The following GCLC variants were observed in gnomAD, a reference collection of about 807,000 sequenced individuals.
GCLC encodes the protein glutamate-cysteine ligase catalytic subunit.
A neutral mutation model predicts 81.5 loss-of-function variants in GCLC; 30 were observed. The ratio of observed to expected loss-of-function variants is 0.37; its 90% CI spans 0.28 to 0.50. The LOEUF (loss-of-function observed/expected upper bound fraction) is 0.50. GCLC is among the 20% of genes least tolerant of loss of function. The pLI is 0.96. For synonymous variants in GCLC, 262 were observed against 273.3 expected, an observed-to-expected ratio of 0.96 and a Z score of 0.41; for missense variants, 556 against 777.4, an observed-to-expected ratio of 0.72 and a Z score of 3.39.
At chr6:53,505,251 A>G in intron 12 of GCLC, 141 bp downstream of exon 12, 1 of 651,554 alleles carries the variant, frequency 1.5e-6, no homozygotes. Flanking sequence ...AAGAAAATAA[A>G]GAATAGGGCT....
chr6:53,518,111 C>A (rs1393386004), intron 3 of GCLC, among the ~76,000 whole-genome samples: 1 of 152,066 alleles, frequency 6.6e-6, no homozygotes, highest in Non-Finnish European at 1.5e-5. Context: ...TTTCAAGTCC[C>A]AAAATACCTT....
Position 53,506,761 on chromosome 6 carries a change from T to C in GCLC, c.1197+152A>G. The C allele has an allele frequency of 1.5e-6, 1 of 649,170 alleles. No homozygotes were observed. The highest frequency in any genetic ancestry group is 2.8e-6 in the Non-Finnish European group (1 of 358,710). The allele number at this position is 649,170 out of a possible 1,614,324, so 40.2% of individuals were successfully genotyped here. On this transcript the variant is annotated intron_variant, in intron 10 of 15. Coordinates refer to ENST00000650454, the MANE Select transcript of GCLC (RefSeq NM_001498.4). The surrounding 1 kb of genome is among the most constrained non-coding windows in gnomAD (Gnocchi z 4.0). ...CAAGTTCTTTACTGCACTGGGTAAA[T>C]GAAAGTCTTATGAAATTTCTTTTGT... is the stretch of plus-strand genomic sequence containing the variant.
chr6:53,537,745 A>G (rs901017181), intron 1 of GCLC, among the ~76,000 whole-genome samples: 1 of 152,116 alleles, frequency 6.6e-6, no homozygotes, highest in African/African-American at 2.4e-5. Flanking sequence ...CTGTAAAAAA[A>G]AACCAAAAAA....
At chr6:53,507,725 A>T in intron 8 of GCLC, 107 bp from the exon 9 acceptor site, 2 of 492,886 alleles carry the variant, frequency 4.1e-6, no homozygotes, top group South Asian at 7.9e-5. Flanking sequence ...ACAGAAAAAA[A>T]GTTAGTGAGC....
chr6:53,541,301 A>G (rs1763350166), intron 1 of GCLC, among the ~76,000 whole-genome samples: 1 of 152,238 alleles, frequency 6.6e-6, no homozygotes, highest in South Asian at 2.1e-4. Context: ...GAGGTAGAAC[A>G]AGCGCGGGGG....
Position 53,504,185 on chromosome 6 carries a change from A to C in GCLC, c.1395+1207T>G, listed in dbSNP as rs148395245. Among the ~76,000 whole-genome samples the C allele has an allele frequency of 1.1e-4, 17 of 151,544 alleles. No homozygotes were observed. The East Asian group carries it at 3.1e-3, about 28-fold the overall frequency. On this transcript the variant is annotated intron_variant, in intron 12 of 15. Coordinates refer to ENST00000650454, the MANE Select transcript of GCLC (RefSeq NM_001498.4). ...GACCCTGTCTCTAAAAAAGGTTTAAAAGTATTTTTTAAAAAATAGTAATTC... is the reference window on the plus strand; with the variant it reads ...GACCCTGTCTCTAAAAAAGGTTTAACAGTATTTTTTAAAAAATAGTAATTC...
intron 6 of GCLC, chr6:53,513,885 A>AGGT: frequency 3.2e-6 from 1 of 316,808 alleles, no homozygotes; most frequent in Non-Finnish European, 5.9e-6. Context: ...ACGAGATGGC[A>AGGT]GTAAAAACTA....
In GCLC at chr6:53,522,547, GA is replaced by G. The variant is rs745828121; in HGVS notation, c.151-21del. On this transcript the variant is annotated intron_variant, in intron 1 of 15. Transcript: ENST00000650454. ...TTCCACCTATTGAAAATAAAGGTGAGAAAAATTAACATTCTTCCAGACTTGT... is the reference window on the plus strand; with the variant it reads ...TTCCACCTATTGAAAATAAAGGTGAGAAAATTAACATTCTTCCAGACTTGT... 6.9e-7 allele frequency: 1 copy of G among 1,453,728 alleles called. No individual in the cohort carries two copies. Among genetic ancestry groups the G allele is most frequent in the South Asian group, 1.1e-5 (1 of 88,034 alleles). The allele number at this position is 1,453,728 out of a possible 1,614,324, so 90.1% of individuals were successfully genotyped here.
intron 1 of GCLC, among the ~76,000 whole-genome samples, chr6:53,541,489 A>G (rs987221942): frequency 1.4e-4 from 21 of 152,238 alleles, no homozygotes; most frequent in African/African-American, 4.8e-4. Flanking sequence ...ACCCAGAGAC[A>G]TAACTGAAGC....
Position 53,498,981 on chromosome 6 carries a change from G to T in GCLC, c.1703-14C>A, listed in dbSNP as rs1462090104. 3 of 1,575,620 alleles carry T rather than the reference G, an allele frequency of 1.9e-6. No individual in the cohort carries two copies. Among genetic ancestry groups the T allele is most frequent in the Admixed American group, 3.4e-5 (2 of 58,680 alleles). ...TCATTAGTTCTCCTGTGGGCGAGGG[G>T]GGAGCGAAAAAAAAATTAAAACCAC... On this transcript the variant is annotated splice_polypyrimidine_tract_variant and intron_variant, in intron 15 of 15. Transcript: ENST00000650454.
intron 15 of GCLC, 119 bp from the exon 16 acceptor site, chr6:53,499,086 G>GGACA: frequency 1.4e-6 from 1 of 723,640 alleles, no homozygotes; most frequent in South Asian, 1.5e-5. Context: ...TGTCCTTTTA[G>GGACA]TGTAGCTGCA....
chr6:53,500,076 G>C lies in GCLC; in HGVS notation c.1671C>G (p.Asn557Lys), dbSNP rs1325399838. ...VDVDTRCSIL[N>K]YLKLIKKRAS... ...CTCTCTTCTTAATTAGCTTTAGGTA[G>C]TTCAGAATACTACATCTGGTGTCCA... is the stretch of plus-strand genomic sequence containing the variant. Residue 557 changes from asparagine (N) to lysine (K), a missense_variant, in exon 15 of 16, where the codon AAC (asparagine) becomes AAG (lysine). By Grantham distance (94) the Asn-to-Lys change is moderately conservative. This residue lies in a region of GCLC where 313 missense variants were observed against 437.3 expected (regional missense o/e 0.72). Coordinates refer to ENST00000650454, the MANE Select transcript of GCLC (RefSeq NM_001498.4). 6.2e-7 allele frequency: 1 copy of C among 1,606,596 alleles called. No individual in the cohort carries two copies. The highest frequency in any genetic ancestry group is 1.1e-5 in the South Asian group (1 of 90,922).
In GCLC at chr6:53,516,138, A is replaced by G. The variant is rs752417306; in HGVS notation, c.531T>C (p.Asp177=). Residue 177 remains aspartate, a synonymous_variant, in exon 4 of 16, where the codon GAT becomes GAC. Transcript: ENST00000650454. The stretch of plus-strand genomic sequence containing the variant: ...AGCGAGGGTGCTTGTTTATTGCTTC[A>G]TCTGGAAAGAAGAGGGACTTGGAAG... ...GGASKSLFFP[D]EAINKHPRFS... is the part of the protein sequence containing the mutation. The G allele has an allele frequency of 1.9e-6, 3 of 1,613,108 alleles. No homozygotes were observed. The South Asian group carries it at 3.3e-5, about 18-fold the overall frequency.
chr6:53,533,369 A>G (rs943305016), intron 1 of GCLC, among the ~76,000 whole-genome samples: 3 of 152,168 alleles, frequency 2.0e-5, no homozygotes, highest in African/African-American at 7.2e-5. Flanking sequence ...TTGTTGCCAG[A>G]CGCCCCCAGT....
chr6:53,544,261 AG>A (rs1763407547), intron 1 of GCLC, among the ~76,000 whole-genome samples: 3 of 152,214 alleles, frequency 2.0e-5, no homozygotes, highest in African/African-American at 7.2e-5. Context: ...TATGGAATGA[AG>A]GGGAAAACCC....
At chr6:53,526,659 A>G (rs375832671) in intron 1 of GCLC, among the ~76,000 whole-genome samples, 14 of 152,030 alleles carry the variant, frequency 9.2e-5, no homozygotes, top group East Asian at 7.7e-4. Flanking sequence ...TTAGCTAGGC[A>G]TGCTGGCGGG....
At chr6:53,541,296 A>G (rs1162342562) in intron 1 of GCLC, among the ~76,000 whole-genome samples, 2 of 152,234 alleles carry the variant, frequency 1.3e-5, no homozygotes, top group African/African-American at 2.4e-5. Context: ...GGCGGGAGGT[A>G]GAACAAGCGC....
chr6:53,534,629 C>A (rs1281493774), intron 1 of GCLC, among the ~76,000 whole-genome samples: 1 of 148,096 alleles, frequency 6.8e-6, no homozygotes, highest in Non-Finnish European at 1.5e-5. Context: ...GGGAGAGGCT[C>A]CAGGTCATGG....
chr6:53,509,000 A>G (rs1764679848), intron 7 of GCLC, among the ~76,000 whole-genome samples, 176 bp downstream of exon 7: 2 of 152,210 alleles, frequency 1.3e-5, no homozygotes, highest in South Asian at 4.1e-4. Context: ...AGCAAGAGTA[A>G]ACTTCTACAG....
Sources: allele counts gnomAD v4.1 joint callset (sites outside exome capture counted in the v4.1 genomes callset), GRCh38; gene constraint gnomAD v4.1.1; regional missense constraint gnomAD v4.1.1; non-coding constraint Gnocchi (gnomAD v3.1); transcripts MANE v1.5; gene names NCBI Gene and HGNC (gene_info 2026-07-23, HGNC 2026-07-21).